Variants in MRTFA observed in about 807,000 individuals in gnomAD.
The protein encoded by MRTFA is myocardin-related transcription factor A.
In MRTFA, 20 loss-of-function variants were observed where a neutral mutation model predicts 83.5. That is an observed-to-expected ratio of 0.24 (90% CI 0.17 to 0.35). MRTFA has a LOEUF of 0.35. Among genes scored for constraint, MRTFA ranks in the 10% least tolerant of loss-of-function variants. The pLI, the probability that MRTFA is intolerant of heterozygous loss-of-function variation, is 1.00. For missense variants in MRTFA, 1,200 were observed against 1,224.7 expected, an observed-to-expected ratio of 0.98 and a Z score of 0.30; for synonymous variants, 659 against 541.2, an observed-to-expected ratio of 1.22 and a Z score of -3.02.
intron 4 of MRTFA, among the ~76,000 whole-genome samples, chr22:40,442,003 T>C (rs1199516110): frequency 6.6e-6 from 1 of 152,070 alleles, no homozygotes; most frequent in Non-Finnish European, 1.5e-5. Flanking sequence ...TGAAGACTCT[T>C]AAAAACCAAC....
At chr22:40,431,534 A>G (rs2053069550) in intron 5 of MRTFA, 54 bp from the exon 6 acceptor site, 1 of 1,533,000 alleles carries the variant, frequency 6.5e-7, no homozygotes, top group Non-Finnish European at 9.0e-7. Context: ...GGCTTATGGC[A>G]TGGACAGGAT....
chr22:40,554,197 C>A (rs1386549110), intron 2 of MRTFA, among the ~76,000 whole-genome samples: 2 of 152,178 alleles, frequency 1.3e-5, no homozygotes, highest in Non-Finnish European at 2.9e-5. Flanking sequence ...TGGACTTGGA[C>A]TTCTGGGTTA....
chr22:40,586,733 T>G (rs1377556793), intron 2 of MRTFA: 2 of 279,570 alleles, frequency 7.2e-6, no homozygotes, highest in African/African-American at 4.6e-5. Flanking sequence ...CTGTGGTAGG[T>G]TTTTTTTTCA....
In MRTFA at chr22:40,561,489, T is replaced by TAAA. The variant is rs58076826; in HGVS notation, c.-21-9125_-21-9123dup. 8.5e-3 allele frequency among the ~76,000 whole-genome samples: 959 copies of TAAA among 112,422 alleles called. 20 individuals carry two copies. The highest frequency in any genetic ancestry group is 0.077 in the Middle Eastern group (17 of 220). 73.8% of individuals were successfully genotyped at this position (112,422 alleles called of 152,430 possible). On this transcript the variant is annotated intron_variant, in intron 2 of 14. Transcript: ENST00000355630. ...CTGGATGATGGAGTGAAACTATGTCTAAAAAAAAAAAAAAAAAAGTTACTG... is the reference window on the plus strand; with the variant it reads ...CTGGATGATGGAGTGAAACTATGTCTAAAAAAAAAAAAAAAAAAAAAGTTACTG...
chr22:40,417,298 G>A (rs372711255), intron 13 of MRTFA, 43 bp downstream of exon 13: 415 of 1,593,130 alleles, frequency 2.6e-4, no homozygotes, highest in Non-Finnish European at 3.4e-4. Context: ...CAGCAGCCTA[G>A]GGCAGCTGCC....
chr22:40,509,048 A>G (rs925666385), intron 3 of MRTFA, among the ~76,000 whole-genome samples: 1 of 152,162 alleles, frequency 6.6e-6, no homozygotes, highest in African/African-American at 2.4e-5. Flanking sequence ...TTTAGTACTG[A>G]GTAATTATTT....
chr22:40,468,314 T>G (rs1254039615), intron 3 of MRTFA, among the ~76,000 whole-genome samples: 3 of 152,166 alleles, frequency 2.0e-5, no homozygotes. Context: ...AAAGGAAACA[T>G]GCAGTTGATA....
intron 3 of MRTFA, among the ~76,000 whole-genome samples, chr22:40,482,339 C>T (rs1005420563): frequency 2.0e-5 from 3 of 152,168 alleles, no homozygotes; most frequent in African/African-American, 7.2e-5. Flanking sequence ...TTATTCCCCA[C>T]ATCCTCAAAA....
intron 1 of MRTFA, among the ~76,000 whole-genome samples, chr22:40,627,329 G>T (rs915595179): frequency 2.0e-5 from 3 of 152,112 alleles, no homozygotes; most frequent in African/African-American, 7.2e-5. Flanking sequence ...GCCCAGGCTG[G>T]TCTTGAACTC....
chr22:40,423,715 G>T, intron 8 of MRTFA, 30 bp from the exon 9 acceptor site: 1 of 1,502,828 alleles, frequency 6.7e-7, no homozygotes, highest in Non-Finnish European at 9.0e-7. Flanking sequence ...GTGAGGACAT[G>T]GCCACCTCCA....
At chr22:40,565,569 C>T (rs576058679) in intron 2 of MRTFA, among the ~76,000 whole-genome samples, 3 of 152,102 alleles carry the variant, frequency 2.0e-5, no homozygotes, top group Non-Finnish European at 4.4e-5. Flanking sequence ...AAACAAAAGA[C>T]CTTCTGGGGT....
chr22:40,514,579 A>G (rs2147247358), intron 3 of MRTFA, among the ~76,000 whole-genome samples: 2 of 150,926 alleles, frequency 1.3e-5, no homozygotes, highest in South Asian at 4.2e-4. Context: ...GGTTCAAGCA[A>G]TTCTCTGCCT....
intron 3 of MRTFA, among the ~76,000 whole-genome samples, chr22:40,499,396 G>C (rs974532130): frequency 2.0e-5 from 3 of 152,136 alleles, no homozygotes; most frequent in Non-Finnish European, 4.4e-5. Flanking sequence ...GAGGAGCAGA[G>C]GTGCCAGAGC....
intron 3 of MRTFA, among the ~76,000 whole-genome samples, chr22:40,538,612 T>C (rs1027068081): frequency 9.2e-5 from 14 of 152,144 alleles, no homozygotes; most frequent in Non-Finnish European, 1.8e-4. Flanking sequence ...ATGTAATCTT[T>C]CCCAATTGCT....
intron 2 of MRTFA, among the ~76,000 whole-genome samples, chr22:40,591,872 T>C (rs1190144399): frequency 6.6e-6 from 1 of 152,208 alleles, no homozygotes; most frequent in African/African-American, 2.4e-5. Context: ...AATGTGTCCA[T>C]TTCAGCCCTT....
At chr22:40,621,476 G>A (rs1325996611) in intron 1 of MRTFA, among the ~76,000 whole-genome samples, 3 of 152,100 alleles carry the variant, frequency 2.0e-5, no homozygotes, top group Non-Finnish European at 4.4e-5. Context: ...AGGAGAACAG[G>A]GAGTCATTGT....
At chr22:40,436,368 G>A (rs775851950) in intron 4 of MRTFA, 6 of 154,326 alleles carry the variant, frequency 3.9e-5, no homozygotes, top group Admixed American at 6.5e-5. Flanking sequence ...ATGTCCACTC[G>A]GCACTATTTC....
intron 2 of MRTFA, among the ~76,000 whole-genome samples, chr22:40,589,999 G>C (rs2056095683): frequency 6.7e-6 from 1 of 148,752 alleles, no homozygotes; most frequent in Admixed American, 6.7e-5. Flanking sequence ...TCCAGCCTGG[G>C]AGACAGAGCG....
At chr22:40,508,749 G>GGC (rs2054621400) in intron 3 of MRTFA, among the ~76,000 whole-genome samples, 2 of 150,764 alleles carry the variant, frequency 1.3e-5, no homozygotes, top group African/African-American at 4.9e-5. Context: ...TGGGCATGGT[G>GGC]GCTCACACCT....
Sources: allele counts gnomAD v4.1 joint callset (sites outside exome capture counted in the v4.1 genomes callset), GRCh38; gene constraint gnomAD v4.1.1; transcripts MANE v1.5; gene names NCBI Gene and HGNC (gene_info 2026-07-23, HGNC 2026-07-21).